Variants in METTL23 observed in about 807,000 individuals in gnomAD.
METTL23 encodes the protein methyltransferase 23, arginine.
METTL23 carries 24 observed loss-of-function variants against 21.2 expected under a neutral mutation model. The ratio of observed to expected loss-of-function variants is 1.13; its 90% CI spans 0.82 to 1.59. METTL23 has a LOEUF of 1.59. Ranked by LOEUF, METTL23 falls within the 40% of genes most tolerant of loss-of-function variation. The pLI, the probability that METTL23 is intolerant of heterozygous loss-of-function variation, is 0.00. For synonymous variants in METTL23, 97 were observed against 75.2 expected (o/e 1.29, Z -1.50); for missense variants, 276 against 221.4 (o/e 1.25, Z -1.57).
In METTL23 at chr17:76,733,823, T is replaced by A. The variant is rs1294979460; in HGVS notation, c.*137T>A. On this transcript the variant is annotated 3_prime_UTR_variant, in exon 5 of 5. Transcript: ENST00000341249. Reference sequence around the variant, plus strand: ...AGTCTGTTTGCCTTAGATTTTGATGTCACCTAGACAACACTTAAACTCATA... The same window carrying A: ...AGTCTGTTTGCCTTAGATTTTGATGACACCTAGACAACACTTAAACTCATA... The A allele has an allele frequency of 3.0e-6, 2 of 663,410 alleles. No homozygotes were observed. The highest frequency in any genetic ancestry group is 4.8e-6 in the Non-Finnish European group (2 of 413,254). The allele number at this position is 663,410 out of a possible 1,614,324, so 41.1% of individuals were successfully genotyped here.
rs1477586593 is a variant in METTL23, at chr17:76,732,974, T to C, written c.85-4T>C. 23 of 1,561,346 alleles carry C rather than the reference T, an allele frequency of 1.5e-5. No individual in the cohort carries two copies. The highest frequency in any genetic ancestry group is 5.8e-5 in the Admixed American group (3 of 51,992). On this transcript the variant is annotated splice_polypyrimidine_tract_variant and splice_region_variant and intron_variant, in intron 2 of 4. Coordinates refer to ENST00000341249, the MANE Select transcript of METTL23 (RefSeq NM_001080510.5). The stretch of plus-strand genomic sequence containing the variant: ...GTGAAATGCCATCTTTCATAACTTA[T>C]TAGATTGGAGCTGGAGTGAGCCTTC...
chr17:76,730,875 G>A (rs1457664244), intron 2 of METTL23, among the ~76,000 whole-genome samples: 5 of 152,110 alleles, frequency 3.3e-5, no homozygotes, highest in East Asian at 3.9e-4. Flanking sequence ...AGGCTGAGGC[G>A]GGCGGATCAC....
intron 2 of METTL23, 58 bp from the exon 3 acceptor site, chr17:76,732,920 C>T: frequency 3.7e-6 from 5 of 1,358,942 alleles, no homozygotes; most frequent in Non-Finnish European, 5.1e-6. Context: ...TACTAAGATT[C>T]CCAATTATTT....
In METTL23 at chr17:76,729,737, C is replaced by T; in HGVS notation, c.27C>T (p.Val9=). The T allele has an allele frequency of 6.3e-7, 1 of 1,599,822 alleles. No individual in the cohort carries two copies. Among genetic ancestry groups the T allele is most frequent in the South Asian group, 1.1e-5 (1 of 88,606 alleles). Reference sequence around the variant, plus strand: ...TGTATGTTTGGCCCTGTGCTGTGGTCCTGGCCCAGTACCTTTGGTTTCACA... The same window carrying T: ...TGTATGTTTGGCCCTGTGCTGTGGTTCTGGCCCAGTACCTTTGGTTTCACA... MYVWPCAV[V]LAQYLWFHRR... The change falls in exon 2 of 5, where the codon GTC becomes GTT. Residue 9 remains valine, a synonymous_variant. Coordinates refer to ENST00000341249, the MANE Select transcript of METTL23 (RefSeq NM_001080510.5).
At chr17:76,731,902 T>C (rs1479722060) in intron 2 of METTL23, among the ~76,000 whole-genome samples, 5 of 152,242 alleles carry the variant, frequency 3.3e-5, no homozygotes, top group Non-Finnish European at 2.9e-5. Flanking sequence ...CTTGTGTTTA[T>C]GCTAATACTT....
chr17:76,729,730 C>T lies in METTL23; in HGVS notation c.20C>T (p.Ala7Val), dbSNP rs201999820. ...TATGGAATGTATGTTTGGCCCTGTGCTGTGGTCCTGGCCCAGTACCTTTGG... is the reference window on the plus strand; with the variant it reads ...TATGGAATGTATGTTTGGCCCTGTGTTGTGGTCCTGGCCCAGTACCTTTGG... MYVWPC[A>V]VVLAQYLWFH... Residue 7 changes from alanine to valine, a missense_variant, in exon 2 of 5, where the codon GCT (alanine) becomes GTT (valine). Physicochemically the swap from Ala to Val is moderately conservative, Grantham distance 64. Transcript: ENST00000341249. 3.1e-4 allele frequency: 494 copies of T among 1,598,740 alleles called. No homozygotes were observed. The highest frequency in any genetic ancestry group is 4.1e-4 in the Non-Finnish European group (485 of 1,171,496).
chr17:76,732,377 T>C (rs573995860), intron 2 of METTL23, among the ~76,000 whole-genome samples: 1 of 152,226 alleles, frequency 6.6e-6, no homozygotes, highest in South Asian at 2.1e-4. Flanking sequence ...GGTGCACGCC[T>C]GTAATCCCAG....
chr17:76,733,462 T>C (rs2077327451), intron 4 of METTL23, 59 bp from the exon 5 acceptor site: 4 of 1,598,984 alleles, frequency 2.5e-6, no homozygotes, highest in Non-Finnish European at 3.4e-6. Flanking sequence ...AAGAATAGAA[T>C]ACATCTGAAG....
chr17:76,726,369 GAGA>G (rs1568004083), upstream of METTL23: 1 of 1,596,644 alleles, frequency 6.3e-7, no homozygotes, highest in South Asian at 1.1e-5. Flanking sequence ...CGGGCTCAGC[GAGA>G]AGCTCTCGTA....
At chr17:76,726,405 A>G (rs923202358), upstream of METTL23, 1 of 1,605,046 alleles carries the variant, frequency 6.2e-7, no homozygotes, top group Non-Finnish European at 8.5e-7. Context: ...GGTCCAATCC[A>G]GCGAGTCCTT....
chr17:76,727,407 G>A, intron 1 of METTL23: 1 of 292,898 alleles, frequency 3.4e-6, no homozygotes, highest in Non-Finnish European at 6.8e-6. Context: ...CACTATGTTG[G>A]TCAGGCTGGT....
chr17:76,731,604 T>C (rs942243366), intron 2 of METTL23, among the ~76,000 whole-genome samples: 4 of 152,208 alleles, frequency 2.6e-5, no homozygotes, highest in Non-Finnish European at 4.4e-5. Context: ...AGTGTAAAAA[T>C]GTATCCCATT....
chr17:76,726,248 C>T, upstream of METTL23: 1 of 1,420,708 alleles, frequency 7.0e-7, no homozygotes, highest in Non-Finnish European at 9.2e-7. Context: ...TACGAGGTCC[C>T]GGGCGCTCGG....
intron 1 of METTL23, among the ~76,000 whole-genome samples, chr17:76,729,323 C>T (rs549763165): frequency 2.0e-5 from 3 of 152,078 alleles, no homozygotes; most frequent in East Asian, 1.9e-4. Flanking sequence ...TCAGGTGATC[C>T]GCCCGCCTCA....
intron 1 of METTL23, among the ~76,000 whole-genome samples, chr17:76,728,454 C>T (rs1006394199): frequency 0.091 from 237 of 2,600 alleles, 1 homozygote; most frequent in Non-Finnish European, 0.46. Context: ...GCTCTGTCAC[C>T]CAGACGAGTG....
At chr17:76,731,499 C>T (rs2077207245) in intron 2 of METTL23, among the ~76,000 whole-genome samples, 1 of 152,176 alleles carries the variant, frequency 6.6e-6, no homozygotes, top group African/African-American at 2.4e-5. Flanking sequence ...CCAAGGCCCA[C>T]ATCAGATGGG....
At position 76,733,791 on chromosome 17, in the gene METTL23, A is replaced by G; in HGVS notation, c.*105A>G. The G allele has an allele frequency of 9.9e-7, 1 of 1,008,146 alleles. No individual in the cohort carries two copies. The highest frequency in any genetic ancestry group is 1.8e-5 in the South Asian group (1 of 55,086). 62.5% of individuals were successfully genotyped at this position (1,008,146 alleles called of 1,614,324 possible). A position where few individuals can be genotyped will look rare whatever the true frequency, so the allele number is the denominator to read the frequency against. ...GCTTGAGAATGCAGTGGGTCTGAAG[A>G]TGGTCAAGTCTGTTTGCCTTAGATT... On this transcript the variant is annotated 3_prime_UTR_variant, in exon 5 of 5. Transcript: ENST00000341249.
chr17:76,728,600 G>A (rs1322674009), intron 1 of METTL23, among the ~76,000 whole-genome samples: 4 of 151,664 alleles, frequency 2.6e-5, no homozygotes, highest in Non-Finnish European at 5.9e-5. Flanking sequence ...TAGTAGAGAC[G>A]GGGTTTTGCC....
intron 2 of METTL23, chr17:76,732,625 A>G (rs1016620362): frequency 3.0e-5 from 8 of 267,670 alleles, no homozygotes; most frequent in African/African-American, 6.7e-5. Flanking sequence ...CCTGGAGAAC[A>G]GAGCAAGACT....
Sources: gnomAD v4.1 joint callset for allele counts (sites outside exome capture counted in the v4.1 genomes callset) on GRCh38, gnomAD v4.1.1 for gene constraint, MANE v1.5 for transcripts, NCBI Gene and HGNC (gene_info 2026-07-23, HGNC 2026-07-21) for gene names.